Variants in DRD3 observed in about 807,000 individuals in gnomAD.
DRD3 encodes dopamine receptor D3, also known as D(3) dopamine receptor.
DRD3 carries 19 observed loss-of-function variants against 36.3 expected under a neutral mutation model. The observed-to-expected ratio is 0.52, with a 90% confidence interval of 0.36 to 0.77. The LOEUF is 0.77. Ranked by LOEUF, DRD3 falls within the 30% of genes least tolerant of loss-of-function variation. DRD3 has a pLI of 0.00. For missense variants in DRD3, 465 were observed against 505.3 expected, an observed-to-expected ratio of 0.92 and a Z score of 0.77; for synonymous variants, 195 against 203.7, an observed-to-expected ratio of 0.96 and a Z score of 0.36.
chr3:114,174,592 G>A (rs2077879858), intron 1 of DRD3, among the ~76,000 whole-genome samples: 1 of 152,144 alleles, frequency 6.6e-6, no homozygotes, highest in African/African-American at 2.4e-5. Flanking sequence ...TTCCACATCT[G>A]ATCTTAGATC....
chr3:114,155,855 G>T (rs1224588950), intron 3 of DRD3, among the ~76,000 whole-genome samples: 2 of 151,970 alleles, frequency 1.3e-5, no homozygotes, highest in East Asian at 3.9e-4. Flanking sequence ...ATTCTCTGAC[G>T]TCCTTTCCGA....
At chr3:114,155,207 C>A (rs1207354206) in intron 3 of DRD3, among the ~76,000 whole-genome samples, 2 of 152,084 alleles carry the variant, frequency 1.3e-5, no homozygotes. Flanking sequence ...ATGAATTGAC[C>A]AGCTATTTGT....
chr3:114,176,619 C>A (rs549302716), intron 1 of DRD3, among the ~76,000 whole-genome samples: 5 of 151,850 alleles, frequency 3.3e-5, no homozygotes, highest in South Asian at 4.2e-4. Flanking sequence ...TAAAAAAAAA[C>A]CCACAAAACT....
chr3:114,167,115 G>C (rs1279537145), intron 2 of DRD3, among the ~76,000 whole-genome samples: 2 of 151,952 alleles, frequency 1.3e-5, no homozygotes, highest in Admixed American at 6.6e-5. Flanking sequence ...GTCCGACCTC[G>C]ATCGCTTTTT....
At chr3:114,158,005 G>C (rs1435446383) in intron 3 of DRD3, among the ~76,000 whole-genome samples, 1 of 152,126 alleles carries the variant, frequency 6.6e-6, no homozygotes, top group Non-Finnish European at 1.5e-5. Flanking sequence ...GGGAGGCTGA[G>C]GCAGAAGAAT....
intron 5 of DRD3, among the ~76,000 whole-genome samples, chr3:114,133,982 T>A (rs2077453830): frequency 6.6e-6 from 1 of 152,336 alleles, no homozygotes; most frequent in Admixed American, 6.5e-5. Context: ...GCATTCAATG[T>A]CCAGTGTGTT....
chr3:114,141,634 T>C (rs2077524325), intron 4 of DRD3, among the ~76,000 whole-genome samples: 1 of 152,160 alleles, frequency 6.6e-6, no homozygotes, highest in South Asian at 2.1e-4. Flanking sequence ...TGCATTTTAC[T>C]GACATCTTTG....
At chr3:114,141,143 T>C (rs1366751051) in intron 4 of DRD3, among the ~76,000 whole-genome samples, 1 of 152,254 alleles carries the variant, frequency 6.6e-6, no homozygotes, top group Non-Finnish European at 1.5e-5. Flanking sequence ...GCGATTCTCC[T>C]GCCTCAGCCT....
intron 2 of DRD3, among the ~76,000 whole-genome samples, chr3:114,168,571 C>T (rs1396406609): frequency 6.6e-6 from 1 of 152,078 alleles, no homozygotes; most frequent in Admixed American, 6.6e-5. Flanking sequence ...CTCTCTCTCT[C>T]TCTCTCTCAT....
chr3:114,154,729 TAAAG>T (rs939680474), intron 3 of DRD3, among the ~76,000 whole-genome samples: 1 of 152,114 alleles, frequency 6.6e-6, no homozygotes, highest in Non-Finnish European at 1.5e-5. Context: ...GAGAGCCACT[TAAAG>T]AACTCCCTGG....
chr3:114,187,612 C>G (rs2077982694), intron 1 of DRD3, among the ~76,000 whole-genome samples: 1 of 152,116 alleles, frequency 6.6e-6, no homozygotes, highest in Non-Finnish European at 1.5e-5. Context: ...AAAATGACAG[C>G]CTATTACAAA....
At chr3:114,172,872 G>A (rs1454355128) in intron 1 of DRD3, among the ~76,000 whole-genome samples, 1 of 151,956 alleles carries the variant, frequency 6.6e-6, no homozygotes, top group Non-Finnish European at 1.5e-5. Context: ...CTGTGACTTA[G>A]GGAGTAACCC....
chr3:114,131,088 C>G (rs771118247), intron 6 of DRD3, 30 bp downstream of exon 6: 1 of 1,603,718 alleles, frequency 6.2e-7, no homozygotes, highest in Non-Finnish European at 8.5e-7. Flanking sequence ...CTAACCCAAC[C>G]CAACACAGCT....
chr3:114,153,862 G>A (rs1197330227), intron 3 of DRD3, among the ~76,000 whole-genome samples: 1 of 152,130 alleles, frequency 6.6e-6, no homozygotes, highest in Non-Finnish European at 1.5e-5. Flanking sequence ...CTCTCTCTGG[G>A]TTGTCGTGAA....
Position 114,128,609 on chromosome 3 carries a change from G to A in DRD3, c.*107C>T. 3 of 1,164,006 alleles carry A rather than the reference G, an allele frequency of 2.6e-6. No homozygotes were observed. Among genetic ancestry groups the A allele is most frequent in the Non-Finnish European group, 3.5e-6 (3 of 855,354 alleles). The allele number at this position is 1,164,006 out of a possible 1,614,324, so 72.1% of individuals were successfully genotyped here. ...ACAAGCAGGGACATCCTGGCTCCAGGAATCTTCTTCCTACTGCATGCCGGA... is the reference window on the plus strand; with the variant it reads ...ACAAGCAGGGACATCCTGGCTCCAGAAATCTTCTTCCTACTGCATGCCGGA... On this transcript the variant is annotated 3_prime_UTR_variant, in exon 7 of 7. Transcript: ENST00000383673.
chr3:114,128,577 A>G lies in DRD3; in HGVS notation c.*139T>C, dbSNP rs2077397419. 1 of 815,070 alleles carries G rather than the reference A, an allele frequency of 1.2e-6. No individual in the cohort carries two copies. The highest frequency in any genetic ancestry group is 4.2e-4 in the Middle Eastern group (1 of 2,378). The allele number at this position is 815,070 out of a possible 1,614,324, so 50.5% of individuals were successfully genotyped here. On this transcript the variant is annotated 3_prime_UTR_variant, in exon 7 of 7. Transcript: ENST00000383673. The stretch of plus-strand genomic sequence containing the variant: ...TCTGTTTTGGAGGACACATCTGGTT[A>G]TACCTGACAAGCAGGGACATCCTGG...
At chr3:114,161,210 C>T (rs949424880) in intron 2 of DRD3, among the ~76,000 whole-genome samples, 1 of 152,060 alleles carries the variant, frequency 6.6e-6, no homozygotes, top group Non-Finnish European at 1.5e-5. Flanking sequence ...CAATACCGCT[C>T]CTGAACAGGC....
intron 1 of DRD3, among the ~76,000 whole-genome samples, 162 bp from the exon 2 acceptor site, chr3:114,172,189 T>C (rs1467072806): frequency 2.0e-5 from 3 of 152,172 alleles, no homozygotes; most frequent in Non-Finnish European, 2.9e-5. Flanking sequence ...ACAAAACAGA[T>C]AAAATCTTAA....
chr3:114,146,378 C>T (rs1466448721), intron 4 of DRD3, among the ~76,000 whole-genome samples: 1 of 152,036 alleles, frequency 6.6e-6, no homozygotes, highest in Non-Finnish European at 1.5e-5. Context: ...TTGTCAATAC[C>T]CATCATGTTA....
Sources: allele counts gnomAD v4.1 joint callset (sites outside exome capture counted in the v4.1 genomes callset), GRCh38; gene constraint gnomAD v4.1.1; transcripts MANE v1.5; gene names NCBI Gene and HGNC (gene_info 2026-07-23, HGNC 2026-07-21).